Variants in DCDC2 observed in about 807,000 individuals in gnomAD.
DCDC2 encodes doublecortin domain containing 2.
In DCDC2, 40 loss-of-function variants were observed where a neutral mutation model predicts 50.2. The ratio of observed to expected loss-of-function variants is 0.80; its 90% CI spans 0.62 to 1.04. The LOEUF (loss-of-function observed/expected upper bound fraction) is 1.04. DCDC2 is among the 50% of genes least tolerant of loss of function. The probability of loss-of-function intolerance (pLI) is 0.00; values close to 1 mark genes in which losing one functional copy is unlikely to be tolerated. For missense variants in DCDC2, 570 were observed against 581.9 expected, an observed-to-expected ratio of 0.98 and a Z score of 0.21; for synonymous variants, 234 against 210.6, an observed-to-expected ratio of 1.11 and a Z score of -0.96.
In DCDC2 at chr6:24,174,623, T is replaced by A; in HGVS notation, c.*107A>T. 1 of 708,312 alleles carries A rather than the reference T, an allele frequency of 1.4e-6. No individual in the cohort carries two copies. The allele number at this position is 708,312 out of a possible 1,614,324, so 43.9% of individuals were successfully genotyped here. A position where few individuals can be genotyped will look rare whatever the true frequency, so the allele number is the denominator to read the frequency against. The stretch of plus-strand genomic sequence containing the variant: ...TAATGTTATAATTCGTAGGTAGTAT[T>A]CGACCATAGTGTCACATTATATTCA... On this transcript the variant is annotated 3_prime_UTR_variant, in exon 10 of 10. Transcript: ENST00000378454.
chr6:24,359,296 TTTTTTATATATATTATATATTTTATA>T (rs1760596242), upstream of DCDC2, among the ~76,000 whole-genome samples: 2 of 70,858 alleles, frequency 2.8e-5, no homozygotes, highest in Admixed American at 2.7e-4. Flanking sequence ...ATATTTTATA[TTTTTTATATATATTATATATTTTATA>T]TTTTTATATA....
intron 6 of DCDC2, 71 bp from the exon 7 acceptor site, chr6:24,278,282 T>C: frequency 7.1e-7 from 1 of 1,401,244 alleles, no homozygotes; most frequent in Non-Finnish European, 9.8e-7. Context: ...TAAATACATG[T>C]CATTAACTAC....
chr6:24,227,992 T>C (rs1436070157), intron 7 of DCDC2, among the ~76,000 whole-genome samples: 2 of 152,246 alleles, frequency 1.3e-5, no homozygotes, highest in African/African-American at 4.8e-5. Flanking sequence ...TGCCACCTCC[T>C]TCCTTCTCTT....
intron 4 of DCDC2, among the ~76,000 whole-genome samples, chr6:24,301,153 C>T (rs373451659): frequency 2.0e-5 from 3 of 151,778 alleles, no homozygotes; most frequent in Middle Eastern, 3.4e-3. Context: ...GGGCGGATCA[C>T]GAGGTCAGGA....
In DCDC2 at chr6:24,274,789, T is replaced by C. The variant is rs534510688; in HGVS notation, c.922+3260A>G. On this transcript the variant is annotated intron_variant, in intron 7 of 9. Transcript: ENST00000378454. The stretch of plus-strand genomic sequence containing the variant: ...AATATGTGACTACAATTTTAATTAT[T>C]AAAAAATCAAGATAACCTATGAAGT... Among the ~76,000 whole-genome samples, 50 of 152,134 alleles carry C rather than the reference T, an allele frequency of 3.3e-4. 1 individual carries two copies. The South Asian group carries it at 7.9e-3, about 24-fold the overall frequency.
chr6:24,310,129 G>A lies in DCDC2; in HGVS notation c.349-8085C>T, dbSNP rs1759547122. ...TCCATTTTCTTGATTAATTTTCATA[G>A]TAGATTTGTATTAAAGTGTTTTTTA... On this transcript the variant is annotated intron_variant, in intron 2 of 9. Coordinates refer to ENST00000378454, the MANE Select transcript of DCDC2 (RefSeq NM_016356.5). 2.6e-5 allele frequency among the ~76,000 whole-genome samples: 4 copies of A among 152,126 alleles called. No homozygotes were observed. In the South Asian group the frequency reaches 8.3e-4, roughly 32 times the overall value.
chr6:24,298,076 G>A (rs1281102005), intron 4 of DCDC2, among the ~76,000 whole-genome samples: 2 of 152,218 alleles, frequency 1.3e-5, no homozygotes, highest in African/African-American at 2.4e-5. Context: ...CGGAGTGGGG[G>A]ACGGGATGGT....
chr6:24,329,015 C>G (rs1436538565), intron 2 of DCDC2, among the ~76,000 whole-genome samples: 1 of 152,160 alleles, frequency 6.6e-6, no homozygotes, highest in Non-Finnish European at 1.5e-5. Context: ...GTCCTAGAAT[C>G]AGGATTTAAA....
At chr6:24,380,322 T>G in the DCDC2 span, among the ~76,000 whole-genome samples, 1 of 152,310 alleles carries the variant, frequency 6.6e-6, no homozygotes, top group South Asian at 2.1e-4. Flanking sequence ...CCCCCTTTAT[T>G]TTGCATATTG....
At chr6:24,348,199 G>A (rs1760302998) in intron 2 of DCDC2, among the ~76,000 whole-genome samples, 1 of 152,214 alleles carries the variant, frequency 6.6e-6, no homozygotes, top group African/African-American at 2.4e-5. Flanking sequence ...TTGTAGGTTT[G>A]TAGGGTTTGG....
intron 2 of DCDC2, among the ~76,000 whole-genome samples, chr6:24,313,678 C>T (rs1467926619): frequency 6.6e-6 from 1 of 152,226 alleles, no homozygotes; most frequent in Admixed American, 6.5e-5. Context: ...AGTCATTTAG[C>T]CCCCAGGATT....
At chr6:24,322,575 C>T (rs916190774) in intron 2 of DCDC2, among the ~76,000 whole-genome samples, 5 of 150,440 alleles carry the variant, frequency 3.3e-5, no homozygotes, top group Admixed American at 6.7e-5. Flanking sequence ...AATTTACAAC[C>T]TGCTCTCTCT....
chr6:24,194,961 G>A (rs1761399524), intron 8 of DCDC2, among the ~76,000 whole-genome samples: 1 of 152,098 alleles, frequency 6.6e-6, no homozygotes, highest in African/African-American at 2.4e-5. Flanking sequence ...TAATTTGTCT[G>A]TAACTAATGA....
chr6:24,351,105 T>C (rs1410729829), intron 2 of DCDC2, among the ~76,000 whole-genome samples: 2 of 152,176 alleles, frequency 1.3e-5, no homozygotes, highest in African/African-American at 2.4e-5. Context: ...AAAAATACCA[T>C]AGAATTCAGA....
intron 6 of DCDC2, among the ~76,000 whole-genome samples, chr6:24,280,521 A>T (rs1763447783): frequency 6.6e-6 from 1 of 152,012 alleles, no homozygotes; most frequent in Non-Finnish European, 1.5e-5. Context: ...GGAGTCTTTC[A>T]TCCCAAGATT....
At chr6:24,200,879 C>G (rs1488593294) in intron 8 of DCDC2, among the ~76,000 whole-genome samples, 3 of 150,474 alleles carry the variant, frequency 2.0e-5, no homozygotes, top group Non-Finnish European at 3.0e-5. Context: ...ATAAAATAGA[C>G]TTTAAGCCAA....
At chr6:24,358,899 AATATAT>A (rs1760554420), upstream of DCDC2, among the ~76,000 whole-genome samples, 11 of 21,494 alleles carry the variant, frequency 5.1e-4, 1 homozygote, top group Admixed American at 6.1e-3. Flanking sequence ...TTATATATAT[AATATAT>A]TATATATTAT....
At chr6:24,338,058 C>T (rs1051733095) in intron 2 of DCDC2, among the ~76,000 whole-genome samples, 1 of 152,160 alleles carries the variant, frequency 6.6e-6, no homozygotes, top group African/African-American at 2.4e-5. Flanking sequence ...TACATGAACA[C>T]ACAGTCCCTC....
At chr6:24,345,547 G>A (rs1581663347) in intron 2 of DCDC2, among the ~76,000 whole-genome samples, 1 of 152,128 alleles carries the variant, frequency 6.6e-6, no homozygotes, top group Admixed American at 6.5e-5. Flanking sequence ...TTCTCCCTGA[G>A]AGAATATACC....
Sources: allele counts gnomAD v4.1 joint callset (sites outside exome capture counted in the v4.1 genomes callset), GRCh38; gene constraint gnomAD v4.1.1; transcripts MANE v1.5; gene names NCBI Gene and HGNC (gene_info 2026-07-23, HGNC 2026-07-21).